RNF25: variants seen among roughly 807,000 people sequenced by gnomAD.
The protein encoded by RNF25 is ring finger protein 25, also known as E3 ubiquitin-protein ligase RNF25.
RNF25 carries 32 observed loss-of-function variants against 65.0 expected under a neutral mutation model. The ratio of observed to expected loss-of-function variants is 0.49; its 90% CI spans 0.37 to 0.66. RNF25 has a LOEUF of 0.66. Among genes scored for constraint, RNF25 ranks in the 30% least tolerant of loss-of-function variants. RNF25 has a pLI of 0.00. For synonymous variants in RNF25, 207 were observed against 221.2 expected, an observed-to-expected ratio of 0.94 and a Z score of 0.57; for missense variants, 493 against 584.8, an observed-to-expected ratio of 0.84 and a Z score of 1.62.
intron 1 of RNF25, among the ~76,000 whole-genome samples, chr2:218,670,695 CAAAAAAA>C (rs34923737): frequency 4.6e-4 from 15 of 32,344 alleles, no homozygotes; most frequent in South Asian, 2.5e-3. Context: ...GACTCCGTCT[CAAAAAAA>C]AAAAAAAAAA....
In RNF25 at chr2:218,663,991, T is replaced by A. The variant is rs754320863; in HGVS notation, c.1346A>T (p.Glu449Val). ...QGAYRPGTRR[E>V]SLGLESKDGS ...ATCCTTAGATTCCAGGCCCAGGGAC[T>A]CCCTCCGAGTACCAGGCCGGTATGC... Residue 449 changes from glutamate to valine, a missense_variant, in exon 10 of 10, where the codon GAG becomes GTG. Glu to Val is a moderately radical substitution (Grantham distance 121). Coordinates refer to ENST00000295704, the MANE Select transcript of RNF25 (RefSeq NM_022453.3). 1 of 1,459,140 alleles carries A rather than the reference T, an allele frequency of 6.9e-7. No homozygotes were observed. Among genetic ancestry groups the A allele is most frequent in the African/African-American group, 1.4e-5 (1 of 70,830 alleles). The allele number at this position is 1,459,140 out of a possible 1,614,324, so 90.4% of individuals were successfully genotyped here. A position where few individuals can be genotyped will look rare whatever the true frequency, so the allele number is the denominator to read the frequency against.
chr2:218,668,384 G>C, intron 2 of RNF25, 43 bp from the exon 3 acceptor site: 1 of 1,366,402 alleles, frequency 7.3e-7, no homozygotes, highest in East Asian at 2.4e-5. Flanking sequence ...ACTGGGTAGG[G>C]GCTTGGGGGC....
intron 5 of RNF25, 120 bp from the exon 6 acceptor site, chr2:218,666,350 G>A (rs1287105682): frequency 1.3e-6 from 1 of 746,278 alleles, no homozygotes; most frequent in Non-Finnish European, 2.3e-6. Flanking sequence ...TTGTTACCTT[G>A]TGTTTATGCA....
At position 218,666,143 on chromosome 2, in the gene RNF25, C is replaced by T. The variant is rs746669422; in HGVS notation, c.429+16G>A. 1.2e-6 allele frequency: 2 copies of T among 1,613,576 alleles called. No homozygotes were observed. The highest frequency in any genetic ancestry group is 3.3e-5 in the Admixed American group (2 of 60,012). ...TGGTCCCAAACAGAATGCCAGGTCC[C>T]AAGAGAGAAACCCACCTGGAAACCA... On this transcript the variant is annotated intron_variant, in intron 6 of 9. Coordinates refer to ENST00000295704, the MANE Select transcript of RNF25 (RefSeq NM_022453.3).
At chr2:218,671,503 G>A (rs1939970815) in intron 1 of RNF25, among the ~76,000 whole-genome samples, 1 of 152,156 alleles carries the variant, frequency 6.6e-6, no homozygotes, top group Non-Finnish European at 1.5e-5. Flanking sequence ...GAGAGAGAAG[G>A]CTGAGGAAAG....
Position 218,666,211 on chromosome 2 carries a change from G to C in RNF25, c.377C>G (p.Thr126Arg). The change falls in exon 6 of 10, where the codon ACA (threonine) becomes AGA (arginine). Residue 126 changes from threonine (T) to arginine (R), a missense_variant. By Grantham distance (71) the Thr-to-Arg change is moderately conservative. Transcript: ENST00000295704. ...CTGGCCATGAGGGATGTTGTTATCT[G>C]TGAGAATTTCCTTCCCTTTCTGAGG... is the stretch of plus-strand genomic sequence containing the variant. Reference protein sequence around the residue: ...ELIEKGKEILTDNNIPHGQCV... With the variant: ...ELIEKGKEILRDNNIPHGQCV... 6.2e-7 allele frequency: 1 copy of C among 1,613,942 alleles called. No individual in the cohort carries two copies. Among genetic ancestry groups the C allele is most frequent in the Non-Finnish European group, 8.5e-7 (1 of 1,179,866 alleles).
intron 1 of RNF25, among the ~76,000 whole-genome samples, chr2:218,670,695 CAAA>C (rs34923737): frequency 9.3e-5 from 3 of 32,340 alleles, no homozygotes; most frequent in Non-Finnish European, 1.5e-4. Context: ...GACTCCGTCT[CAAA>C]AAAAAAAAAA....
rs968146777 is a variant in RNF25, at chr2:218,665,161, C to T, written c.660G>A (p.Gln220=). Reference sequence around the variant, plus strand: ...TGGAAAAAAGTCTCCTTACCATGGGCTGTTGGGGTTCAGGGGCTGCTTTCA... The same window carrying T: ...TGGAAAAAAGTCTCCTTACCATGGGTTGTTGGGGTTCAGGGGCTGCTTTCA... The part of the protein sequence containing the change: ...ASLKAAPEPQ[Q]PMELYQPSAE... Residue 220 remains glutamine, a synonymous_variant, in exon 8 of 10, where the codon CAG becomes CAA. Transcript: ENST00000295704. The T allele has an allele frequency of 3.1e-6, 5 of 1,613,994 alleles. No homozygotes were observed. The African/African-American group carries it at 5.3e-5, about 17-fold the overall frequency.
chr2:218,671,911 C>T lies in RNF25; in HGVS notation c.41+19G>A. 6.2e-7 allele frequency: 1 copy of T among 1,614,178 alleles called. No individual in the cohort carries two copies. The highest frequency in any genetic ancestry group is 8.5e-7 in the Non-Finnish European group (1 of 1,179,996). ...ACTAGATCCAGGCTGTCAGCCAAAGCCCATGCCCCCAAAGTTACCAGTCCT... is the reference window on the plus strand; with the variant it reads ...ACTAGATCCAGGCTGTCAGCCAAAGTCCATGCCCCCAAAGTTACCAGTCCT... On this transcript the variant is annotated intron_variant, in intron 1 of 9. Coordinates refer to ENST00000295704, the MANE Select transcript of RNF25 (RefSeq NM_022453.3).
rs1486988531 is a variant in RNF25, at chr2:218,671,949, C to T, written c.22G>A (p.Ala8Thr). Residue 8 changes from alanine (A) to threonine (T), a missense_variant, in exon 1 of 10, where the codon GCT becomes ACT. By Grantham distance (58) the Ala-to-Thr change is moderately conservative. This residue lies in a region of RNF25 where 34 missense variants were observed against 18.6 expected (regional missense o/e 1.83). Coordinates refer to ENST00000295704, the MANE Select transcript of RNF25 (RefSeq NM_022453.3). ...AGTTACCAGTCCTCCTCCCCTGCAG[C>T]TGCAGACGCAGACGCCGCCATATCT... is the stretch of plus-strand genomic sequence containing the variant. MAASASA[A>T]AGEEDWVLPS... The T allele has an allele frequency of 6.2e-7, 1 of 1,614,250 alleles. No homozygotes were observed. Among genetic ancestry groups the T allele is most frequent in the Non-Finnish European group, 8.5e-7 (1 of 1,180,048 alleles).
intron 5 of RNF25, 49 bp downstream of exon 5, chr2:218,667,863 T>C: frequency 6.5e-7 from 1 of 1,540,282 alleles, no homozygotes; most frequent in East Asian, 2.3e-5. Flanking sequence ...AGCTAGAAAC[T>C]GCTCTAGCTT....
At position 218,668,315 on chromosome 2, in the gene RNF25, G is replaced by A. The variant is rs1489195324; in HGVS notation, c.143C>T (p.Thr48Ile). Reference sequence around the variant, plus strand: ...GTCCTCTGCAGTGGCAGGATGCAAAGTGATGTAGATCTCCCATGGTGAAGT... The same window carrying A: ...GTCCTCTGCAGTGGCAGGATGCAAAATGATGTAGATCTCCCATGGTGAAGT... ...GRTSPWEIYI[T>I]LHPATAEDQD... The change falls in exon 3 of 10, where the codon ACT becomes ATT. Residue 48 changes from threonine to isoleucine, a missense_variant. By Grantham distance (89) the Thr-to-Ile change is moderately conservative. Around this residue, in one of 3 missense-constraint regions of RNF25, gnomAD observed 108 missense variants for 166.0 expected, o/e 0.65. Coordinates refer to ENST00000295704, the MANE Select transcript of RNF25 (RefSeq NM_022453.3). 1 of 1,612,784 alleles carries A rather than the reference G, an allele frequency of 6.2e-7. No individual in the cohort carries two copies. Among genetic ancestry groups the A allele is most frequent in the African/African-American group, 1.3e-5 (1 of 74,800 alleles).
rs748992847 is a variant in RNF25, at chr2:218,671,980, G to A, written c.-10C>T. 9 of 1,614,084 alleles carry A rather than the reference G, an allele frequency of 5.6e-6. No homozygotes were observed. The highest frequency in any genetic ancestry group is 4.0e-5 in the African/African-American group (3 of 74,926). Reference sequence around the variant, plus strand: ...ACGCAGACGCCGCCATATCTTCACCGGCCCGCAGCCGGAACCGGAAATGCC... The same window carrying A: ...ACGCAGACGCCGCCATATCTTCACCAGCCCGCAGCCGGAACCGGAAATGCC... On this transcript the variant is annotated 5_prime_UTR_variant, in exon 1 of 10. Coordinates refer to ENST00000295704, the MANE Select transcript of RNF25 (RefSeq NM_022453.3).
intron 1 of RNF25, among the ~76,000 whole-genome samples, chr2:218,671,110 G>A (rs1939955200): frequency 1.3e-5 from 2 of 152,086 alleles, no homozygotes; most frequent in South Asian, 4.1e-4. Flanking sequence ...GGAGGTCGAG[G>A]CTGCAGTGAG....
Position 218,666,019 on chromosome 2 carries a change from A to G in RNF25, c.470T>C (p.Phe157Ser). Reference sequence around the variant, plus strand: ...GTACCGAGCAAGGCAGTGGCAGTGGAAGTAGTGGTAACAGGGTGTTTTGGT... The same window carrying G: ...GTACCGAGCAAGGCAGTGGCAGTGGGAGTAGTGGTAACAGGGTGTTTTGGT... ...AFTKTPCYHYFHCHCLARYIQ... is the reference protein window; with the variant it reads ...AFTKTPCYHYSHCHCLARYIQ... Residue 157 changes from phenylalanine to serine, a missense_variant, in exon 7 of 10, where the codon TTC (phenylalanine) becomes TCC (serine). Phe to Ser is a radical substitution (Grantham distance 155). Transcript: ENST00000295704. 1 of 1,614,016 alleles carries G rather than the reference A, an allele frequency of 6.2e-7. No individual in the cohort carries two copies. The highest frequency in any genetic ancestry group is 8.5e-7 in the Non-Finnish European group (1 of 1,179,970).
At chr2:218,667,805 A>T in intron 5 of RNF25, 107 bp downstream of exon 5, 1 of 1,012,414 alleles carries the variant, frequency 9.9e-7, no homozygotes, top group Non-Finnish European at 1.5e-6. Flanking sequence ...GCCTTACCTA[A>T]TGACTCCAGA....
chr2:218,666,216 A>C lies in RNF25; in HGVS notation c.372T>G (p.Ile124Met). Residue 124 changes from isoleucine (I) to methionine (M), a missense_variant, in exon 6 of 10, where the codon ATT becomes ATG. By Grantham distance (10) the Ile-to-Met change is conservative. Transcript: ENST00000295704. Reference sequence around the variant, plus strand: ...CATGAGGGATGTTGTTATCTGTGAGAATTTCCTTCCCTTTCTGAGGAGAGA... The same window carrying C: ...CATGAGGGATGTTGTTATCTGTGAGCATTTCCTTCCCTTTCTGAGGAGAGA... ...LYELIEKGKE[I>M]LTDNNIPHGQ... The C allele has an allele frequency of 6.2e-7, 1 of 1,613,748 alleles. No individual in the cohort carries two copies. The highest frequency in any genetic ancestry group is 1.3e-5 in the African/African-American group (1 of 74,998).
rs753225833 is a variant in RNF25, at chr2:218,664,139, C to G, written c.1198G>C (p.Glu400Gln). 26 of 1,531,518 alleles carry G rather than the reference C, an allele frequency of 1.7e-5. No individual in the cohort carries two copies. In the Middle Eastern group the frequency reaches 7.0e-4, roughly 42 times the overall value. 94.9% of individuals were successfully genotyped at this position (1,531,518 alleles called of 1,614,324 possible). ...HSQGVEGPPQ[E>Q]KGPGSWQGPP... ...CCCTGCCAGCTGCCAGGCCCCTTCT[C>G]TTGTGGAGGACCTTCAACTCCTTGG... Residue 400 changes from glutamate (E) to glutamine (Q), a missense_variant, in exon 10 of 10, where the codon GAG becomes CAG. By Grantham distance (29) the Glu-to-Gln change is conservative (BLOSUM62 2). This residue lies in a region of RNF25 where 351 missense variants were observed against 400.2 expected (regional missense o/e 0.88). Coordinates refer to ENST00000295704, the MANE Select transcript of RNF25 (RefSeq NM_022453.3). This position sits in a 1 kb window ranked among gnomAD's most constrained non-coding sequence, Gnocchi z 5.1.
chr2:218,670,894 C>T (rs1045241202), intron 1 of RNF25, among the ~76,000 whole-genome samples: 2 of 151,102 alleles, frequency 1.3e-5, no homozygotes, highest in Admixed American at 6.6e-5. Flanking sequence ...AAAAGGAGGC[C>T]GGGTGTGGTG....
Sources: allele counts gnomAD v4.1 joint callset (sites outside exome capture counted in the v4.1 genomes callset), GRCh38; gene constraint gnomAD v4.1.1; regional missense constraint gnomAD v4.1.1; non-coding constraint Gnocchi (gnomAD v3.1); transcripts MANE v1.5; gene names NCBI Gene and HGNC (gene_info 2026-07-23, HGNC 2026-07-21).